KIAA0408: variants seen among roughly 807,000 people sequenced by gnomAD.
The protein encoded by KIAA0408 is KIAA0408.
A neutral mutation model predicts 60.9 loss-of-function variants in KIAA0408; 51 were observed. That is an observed-to-expected ratio of 0.84 (90% CI 0.67 to 1.06). The LOEUF is 1.06. KIAA0408 is among the 50% of genes least tolerant of loss of function. The probability of loss-of-function intolerance (pLI) is 0.00; values close to 1 mark genes in which losing one functional copy is unlikely to be tolerated. For synonymous variants in KIAA0408, 304 were observed against 282.4 expected (o/e 1.08, Z -0.77); for missense variants, 787 against 833.9 (o/e 0.94, Z 0.69).
At chr6:127,452,235 T>C (rs1202630310) in intron 2 of KIAA0408, among the ~76,000 whole-genome samples, 1 of 152,190 alleles carries the variant, frequency 6.6e-6, no homozygotes, top group African/African-American at 2.4e-5. Context: ...TGATTTAACA[T>C]ACAGAACTTT....
At chr6:127,458,289 G>A (rs1773429743) in intron 1 of KIAA0408, among the ~76,000 whole-genome samples, 2 of 152,006 alleles carry the variant, frequency 1.3e-5, no homozygotes, top group South Asian at 4.2e-4. Flanking sequence ...TTGTTCACTT[G>A]CAATTGAATC....
intron 4 of KIAA0408, among the ~76,000 whole-genome samples, chr6:127,449,602 A>G (rs1773264359): frequency 6.6e-6 from 1 of 152,172 alleles, no homozygotes; most frequent in Non-Finnish European, 1.5e-5. Context: ...CAGTGAGCCA[A>G]GATCATGCCA....
In KIAA0408 at chr6:127,441,147, A is replaced by G. The variant is rs1269201348; in HGVS notation, c.*2962T>C. Reference sequence around the variant, plus strand: ...AATGTGCCTAAAAATAACTTTAAAGATCTTTGTAGGGAAGCAGAAACTCTT... The same window carrying G: ...AATGTGCCTAAAAATAACTTTAAAGGTCTTTGTAGGGAAGCAGAAACTCTT... On this transcript the variant is annotated 3_prime_UTR_variant, in exon 6 of 6. Coordinates refer to ENST00000483725, the MANE Select transcript of KIAA0408 (RefSeq NM_014702.5). 6.6e-6 allele frequency: 1 copy of G among 152,220 alleles called. No individual in the cohort carries two copies. The highest frequency in any genetic ancestry group is 2.1e-4 in the South Asian group (1 of 4,826). 9.4% of individuals were successfully genotyped at this position (152,220 alleles called of 1,614,324 possible).
chr6:127,446,632 CA>C lies in KIAA0408; in HGVS notation c.1686del (p.Val563TrpfsTer5). The C allele has an allele frequency of 6.2e-7, 1 of 1,614,132 alleles. No homozygotes were observed. The highest frequency in any genetic ancestry group is 8.5e-7 in the Non-Finnish European group (1 of 1,180,018). ...RSADPRSNYGVVEKLLKTYET... is the reference protein window; with the variant it reads ...RSADPRSNYGXVEKLLKTYET... ...TCATAGGTTTTCAGCAGCTTTTCCACAACACCATAATTTGACCTGGGATCAG... is the reference window on the plus strand; with the variant it reads ...TCATAGGTTTTCAGCAGCTTTTCCACACACCATAATTTGACCTGGGATCAG... On this transcript the variant is annotated frameshift_variant, in exon 5 of 6. Coordinates refer to ENST00000483725, the MANE Select transcript of KIAA0408 (RefSeq NM_014702.5). LOFTEE classifies it high-confidence loss of function.
chr6:127,450,448 C>T (rs1040765707), intron 2 of KIAA0408, 96 bp from the exon 3 acceptor site: 9 of 1,442,006 alleles, frequency 6.2e-6, no homozygotes, highest in Non-Finnish European at 7.2e-6. Context: ...GTTCTCTTTG[C>T]CATATTAAAA....
At chr6:127,452,983 T>C (rs1773327942) in intron 2 of KIAA0408, among the ~76,000 whole-genome samples, 1 of 152,090 alleles carries the variant, frequency 6.6e-6, no homozygotes, top group African/African-American at 2.4e-5. Context: ...TTATTCACAG[T>C]CAATTACATG....
At chr6:127,456,788 G>C (rs1324599807) in intron 1 of KIAA0408, among the ~76,000 whole-genome samples, 1 of 151,886 alleles carries the variant, frequency 6.6e-6, no homozygotes, top group Admixed American at 6.6e-5. Flanking sequence ...AAGTGGTGGG[G>C]GGGGGGCATA....
In KIAA0408 at chr6:127,442,411, A is replaced by C. The variant is rs1450160298; in HGVS notation, c.*1698T>G. On this transcript the variant is annotated 3_prime_UTR_variant, in exon 6 of 6. Transcript: ENST00000483725. ...GAAAGCATATTATGAGAGTGATATT[A>C]CTTGGTGTCTAGTTTACTTTTCTTT... is the stretch of plus-strand genomic sequence containing the variant. 1 of 152,238 alleles carries C rather than the reference A, an allele frequency of 6.6e-6. No homozygotes were observed. Among genetic ancestry groups the C allele is most frequent in the Non-Finnish European group, 1.5e-5 (1 of 68,046 alleles). 9.4% of individuals were successfully genotyped at this position (152,238 alleles called of 1,614,324 possible).
chr6:127,449,926 G>A lies in KIAA0408; in HGVS notation c.499-25C>T, dbSNP rs1436872142. 27 of 1,613,688 alleles carry A rather than the reference G, an allele frequency of 1.7e-5. No homozygotes were observed. The East Asian group carries it at 1.8e-4, about 11-fold the overall frequency. ...CCTTTACACATATAAGCAACAGCCC[G>A]TTAGCACTTTGAAATGTAAATATTT... On this transcript the variant is annotated intron_variant, in intron 3 of 5. Coordinates refer to ENST00000483725, the MANE Select transcript of KIAA0408 (RefSeq NM_014702.5).
At chr6:127,445,378 T>C (rs866362084) in intron 5 of KIAA0408, among the ~76,000 whole-genome samples, 14 of 152,176 alleles carry the variant, frequency 9.2e-5, no homozygotes, top group Middle Eastern at 3.2e-3. Context: ...TGGGCATTGA[T>C]GGGCTCAATT....
Position 127,444,268 on chromosome 6 carries a change from C to A in KIAA0408, c.1926G>T (p.Val642=). ...PKKITEESMS[V]NASHGKGFSR... ...AAAATCCTTTTCCATGTGAGGCGTT[C>A]ACTGACATGGATTCCTAGGACACAA... Residue 642 remains valine (V), a synonymous_variant, in exon 6 of 6, where the codon GTG becomes GTT. Coordinates refer to ENST00000483725, the MANE Select transcript of KIAA0408 (RefSeq NM_014702.5). The A allele has an allele frequency of 1.3e-6, 2 of 1,593,822 alleles. No homozygotes were observed. The highest frequency in any genetic ancestry group is 1.8e-5 in the Admixed American group (1 of 56,994).
rs764433807 is a variant in KIAA0408 at position 127,450,291 on chromosome 6, T to C, written c.197A>G (p.Asp66Gly). 6.2e-7 allele frequency: 1 copy of C among 1,613,672 alleles called. No individual in the cohort carries two copies. The highest frequency in any genetic ancestry group is 8.5e-7 in the Non-Finnish European group (1 of 1,179,926). ...ININESAKII[D>G]LYHEKTIPEK... is the part of the protein sequence containing the mutation. ...TGGAATGGTCTTCTCATGGTAAAGA[T>C]CAATGATCTTAGCACTTTCATTGAT... is the stretch of plus-strand genomic sequence containing the variant. Residue 66 changes from aspartate to glycine, a missense_variant, in exon 3 of 6, where the codon GAT (aspartate) becomes GGT (glycine). Transcript: ENST00000483725.
rs995755183 is a variant in KIAA0408, at chr6:127,438,666, G to C, written c.*5443C>G. The C allele has an allele frequency of 6.6e-6, 1 of 152,158 alleles. No individual in the cohort carries two copies. Among genetic ancestry groups the C allele is most frequent in the Non-Finnish European group, 1.5e-5 (1 of 68,032 alleles). The allele number at this position is 152,158 out of a possible 1,614,324, so 9.4% of individuals were successfully genotyped here. On this transcript the variant is annotated 3_prime_UTR_variant, in exon 6 of 6. Coordinates refer to ENST00000483725, the MANE Select transcript of KIAA0408 (RefSeq NM_014702.5). The stretch of plus-strand genomic sequence containing the variant: ...CTACAAACCTGTACAGCATGTTACT[G>C]TACTGAATACTAAAGGCAATTGTAA...
At position 127,446,606 on chromosome 6, in the gene KIAA0408, C is replaced by T; in HGVS notation, c.1713G>A (p.Glu571=). 1.2e-6 allele frequency: 2 copies of T among 1,614,092 alleles called. No individual in the cohort carries two copies. Among genetic ancestry groups the T allele is most frequent in the Non-Finnish European group, 8.5e-7 (1 of 1,180,006 alleles). ...GVVEKLLKTY[E]TATESALQNS... Reference sequence around the variant, plus strand: ...TTTGCAATGCAGACTCTGTTGCTGTCTCATAGGTTTTCAGCAGCTTTTCCA... The same window carrying T: ...TTTGCAATGCAGACTCTGTTGCTGTTTCATAGGTTTTCAGCAGCTTTTCCA... Residue 571 remains glutamate, a synonymous_variant, in exon 5 of 6, where the codon GAG becomes GAA. Transcript: ENST00000483725.
At chr6:127,455,833 A>G (rs1169715791) in intron 1 of KIAA0408, among the ~76,000 whole-genome samples, 2 of 152,104 alleles carry the variant, frequency 1.3e-5, no homozygotes, top group Non-Finnish European at 2.9e-5. Flanking sequence ...TATCTTTCCC[A>G]CATATAAACC....
In KIAA0408 at chr6:127,446,783, G is replaced by A. The variant is rs201499487; in HGVS notation, c.1536C>T (p.Pro512=). 113 of 1,613,968 alleles carry A rather than the reference G, an allele frequency of 7.0e-5. No individual in the cohort carries two copies. The African/African-American group carries it at 1.4e-3, about 20-fold the overall frequency. The change falls in exon 5 of 6, where the codon CCC becomes CCT. Residue 512 remains proline (P), a synonymous_variant. Transcript: ENST00000483725. ...CTAGGCCTGTTGTGGATTTCTTGGT[G>A]GGATTATCAGGCACATTTTCCATGG... The part of the protein sequence containing the change: ...PVPMENVPDN[P]TKKSTTGLVR...
At position 127,444,143 on chromosome 6, in the gene KIAA0408, G is replaced by GT. The variant is rs777531718; in HGVS notation, c.2050dup (p.Thr684AsnfsTer50). On this transcript the variant is annotated frameshift_variant, in exon 6 of 6. Transcript: ENST00000483725. LOFTEE classifies it high-confidence loss of function. Reference sequence around the variant, plus strand: ...CAATGCTTCGGATCGCAGAGAAATGGTATAGTTGTGGGTAGTTCTCCGCAA... The same window carrying GT: ...CAATGCTTCGGATCGCAGAGAAATGGTTATAGTTGTGGGTAGTTCTCCGCAA... The GT allele has an allele frequency of 6.6e-5, 107 of 1,613,904 alleles. No individual in the cohort carries two copies. In the East Asian group the frequency reaches 2.4e-3, roughly 36 times the overall value.
intron 4 of KIAA0408, among the ~76,000 whole-genome samples, chr6:127,448,781 A>C (rs1052774738): frequency 2.6e-5 from 4 of 152,190 alleles, no homozygotes; most frequent in Non-Finnish European, 2.9e-5. Flanking sequence ...TCAGCACAAA[A>C]ATTCTTTCTG....
At position 127,450,347 on chromosome 6, in the gene KIAA0408, G is replaced by A. The variant is rs773914505; in HGVS notation, c.141C>T (p.Cys47=). 6.3e-7 allele frequency: 1 copy of A among 1,582,876 alleles called. No homozygotes were observed. The highest frequency in any genetic ancestry group is 8.5e-7 in the Non-Finnish European group (1 of 1,170,094). Residue 47 remains cysteine (C), a synonymous_variant, in exon 3 of 6, where the codon TGC becomes TGT. Coordinates refer to ENST00000483725, the MANE Select transcript of KIAA0408 (RefSeq NM_014702.5). ...KIMQKKIEEL[C]REVKLWRKIN... ...TTTTCCTCCAAAGCTTTACTTCCCGGCAAAGCTGTAAGAAAAACAAAACAA... is the reference window on the plus strand; with the variant it reads ...TTTTCCTCCAAAGCTTTACTTCCCGACAAAGCTGTAAGAAAAACAAAACAA...
Sources: allele counts gnomAD v4.1 joint callset (sites outside exome capture counted in the v4.1 genomes callset), GRCh38; gene constraint gnomAD v4.1.1; transcripts MANE v1.5; gene names NCBI Gene and HGNC (gene_info 2026-07-23, HGNC 2026-07-21).